AKAP13: variants seen among roughly 807,000 people sequenced by gnomAD.
AKAP13 encodes the protein A-kinase anchor protein 13.
AKAP13 carries 80 observed loss-of-function variants against 264.5 expected under a neutral mutation model. The observed-to-expected ratio is 0.30, with a 90% CI of 0.25 to 0.36. The LOEUF (loss-of-function observed/expected upper bound fraction) is 0.36, where lower values mean the gene tolerates loss of function less well. Ranked by LOEUF, AKAP13 falls within the 10% of genes least tolerant of loss-of-function variation. The probability of loss-of-function intolerance (pLI) is 1.00; values close to 1 mark genes in which losing one functional copy is unlikely to be tolerated. For missense variants in AKAP13, 3,712 were observed against 3,435.2 expected, an observed-to-expected ratio of 1.08 and a Z score of -2.01; for synonymous variants, 1,380 against 1,250.2, an observed-to-expected ratio of 1.10 and a Z score of -2.19.
chr15:85,633,018 A>G (rs921887738), intron 8 of AKAP13, among the ~76,000 whole-genome samples: 1 of 152,136 alleles, frequency 6.6e-6, no homozygotes, highest in Non-Finnish European at 1.5e-5. Context: ...GGCATGTGCC[A>G]CCACGCCCAG....
At chr15:85,739,156 C>T (rs1849307703) in intron 33 of AKAP13, among the ~76,000 whole-genome samples, 1 of 152,206 alleles carries the variant, frequency 6.6e-6, no homozygotes, top group African/African-American at 2.4e-5. Context: ...AATCTTTGTA[C>T]ATACATTGTT....
intron 8 of AKAP13, among the ~76,000 whole-genome samples, chr15:85,591,972 G>A (rs556280918): frequency 3.5e-4 from 53 of 151,204 alleles, no homozygotes; most frequent in African/African-American, 1.3e-3. Context: ...TGAGTATTAG[G>A]CTACTGGGAA....
Position 85,579,093 on chromosome 15 carries a change from G to A in AKAP13, c.1025G>A (p.Cys342Tyr). The change falls in exon 7 of 37, where the codon TGC (cysteine) becomes TAC (tyrosine). Residue 342 changes from cysteine (C) to tyrosine (Y), a missense_variant. Physicochemically the swap from Cys to Tyr is radical, Grantham distance 194. Transcript: ENST00000394518. ...SSEETESTQC[C>Y]PGSPVAQTES... ...GAAGAGACTGAGAGCACTCAGTGCT[G>A]CCCAGGGAGCCCTGTTGCACAGACT... 2 of 1,614,178 alleles carry A rather than the reference G, an allele frequency of 1.2e-6. No individual in the cohort carries two copies. Among genetic ancestry groups the A allele is most frequent in the Non-Finnish European group, 1.7e-6 (2 of 1,180,034 alleles).
At chr15:85,665,734 T>C (rs1296622996) in intron 13 of AKAP13, among the ~76,000 whole-genome samples, 1 of 151,960 alleles carries the variant, frequency 6.6e-6, no homozygotes, top group Non-Finnish European at 1.5e-5. Context: ...CGTGTCCAAG[T>C]GTTCTCATTG....
intron 2 of AKAP13, among the ~76,000 whole-genome samples, chr15:85,516,822 T>C (rs867487384): frequency 6.6e-6 from 1 of 152,336 alleles, no homozygotes; most frequent in Middle Eastern, 3.4e-3. Flanking sequence ...TGACAAGAGA[T>C]GTGAGTTGTG....
At chr15:85,622,589 G>A (rs1410447938) in intron 8 of AKAP13, among the ~76,000 whole-genome samples, 1 of 152,210 alleles carries the variant, frequency 6.6e-6, no homozygotes, top group Non-Finnish European at 1.5e-5. Flanking sequence ...CTGCCGTTAT[G>A]ATAGCACAGG....
chr15:85,721,435 C>A (rs2087274944), intron 23 of AKAP13, among the ~76,000 whole-genome samples: 5 of 152,090 alleles, frequency 3.3e-5, no homozygotes, highest in Admixed American at 1.3e-4. Flanking sequence ...TACAGAAATT[C>A]ATTGATTTAG....
chr15:85,583,450 T>A (rs189012191), intron 7 of AKAP13, among the ~76,000 whole-genome samples: 51 of 152,320 alleles, frequency 3.3e-4, no homozygotes, highest in Admixed American at 1.2e-3. Context: ...TTTATTAATG[T>A]TTTGGATTGT....
chr15:85,643,578 C>G (rs1482172784), intron 9 of AKAP13, among the ~76,000 whole-genome samples: 1 of 152,168 alleles, frequency 6.6e-6, no homozygotes, highest in Non-Finnish European at 1.5e-5. Flanking sequence ...TAGTCCAACC[C>G]TCACTTCCCT....
chr15:85,662,533 T>A, intron 12 of AKAP13: 1 of 1,540,168 alleles, frequency 6.5e-7, no homozygotes, highest in Non-Finnish European at 9.0e-7. Flanking sequence ...GGAGCTGGCT[T>A]CTGTGTGGCT....
chr15:85,743,304 A>G (rs28635899), intron 35 of AKAP13, among the ~76,000 whole-genome samples, 188 bp from the exon 36 acceptor site: 2,203 of 152,256 alleles, frequency 0.014, 54 homozygotes, highest in African/African-American at 0.05. Flanking sequence ...TATAGATACT[A>G]CTTGGGGGAG....
chr15:85,671,355 G>T (rs141495228), intron 14 of AKAP13, among the ~76,000 whole-genome samples: 2 of 148,362 alleles, frequency 1.3e-5, no homozygotes, highest in South Asian at 2.1e-4. Flanking sequence ...AGGATCATGA[G>T]CCCAGGAGGT....
chr15:85,435,764 G>A (rs2060962893), intron 1 of AKAP13, among the ~76,000 whole-genome samples: 1 of 145,014 alleles, frequency 6.9e-6, no homozygotes, highest in East Asian at 2.0e-4. Flanking sequence ...ACAAGCAAAT[G>A]CTGAGAGATT....
chr15:85,721,894 C>T (rs147594356), intron 23 of AKAP13, 97 bp from the exon 24 acceptor site: 5 of 1,535,386 alleles, frequency 3.3e-6, no homozygotes, highest in Non-Finnish European at 4.4e-6. Context: ...TATGAGGAAG[C>T]GCTCTTGACT....
intron 1 of AKAP13, among the ~76,000 whole-genome samples, chr15:85,483,603 G>A (rs896402661): frequency 1.4e-5 from 2 of 142,036 alleles, no homozygotes; most frequent in East Asian, 2.0e-4. Flanking sequence ...TCCGCAGTCC[G>A]GCCTGGGCGA....
intron 8 of AKAP13, among the ~76,000 whole-genome samples, chr15:85,586,466 A>C (rs1397111258): frequency 1.3e-5 from 2 of 152,158 alleles, no homozygotes; most frequent in Admixed American, 1.3e-4. Context: ...AGCCTCCCAA[A>C]GTGCTGGGAT....
At position 85,580,613 on chromosome 15, in the gene AKAP13, A is replaced by G; in HGVS notation, c.2545A>G (p.Thr849Ala). Residue 849 changes from threonine to alanine, a missense_variant, in exon 7 of 37, where the codon ACA (threonine) becomes GCA (alanine). Around this residue, in one of 3 missense-constraint regions of AKAP13, gnomAD observed 2,759 missense variants for 2,411.7 expected, o/e 1.14. Coordinates refer to ENST00000394518, the MANE Select transcript of AKAP13 (RefSeq NM_007200.5). ...AGAAGACAGGGCAGTAGGCCTGTCC[A>G]CATCCTCCACTGCTGCAGAGCTTCA... ...PLEDRAVGLS[T>A]SSTAAELQHG... 6 of 1,614,222 alleles carry G rather than the reference A, an allele frequency of 3.7e-6. No homozygotes were observed. Among genetic ancestry groups the G allele is most frequent in the Non-Finnish European group, 5.1e-6 (6 of 1,180,040 alleles).
chr15:85,396,405 A>T (rs1319137270), intron 1 of AKAP13, among the ~76,000 whole-genome samples: 3 of 152,210 alleles, frequency 2.0e-5, no homozygotes, highest in African/African-American at 7.2e-5. Flanking sequence ...TATGATTGTA[A>T]AACATGTTCA....
Position 85,718,480 on chromosome 15 carries a change from G to A in AKAP13, c.6001+321G>A, listed in dbSNP as rs1422603751. On this transcript the variant is annotated intron_variant, in intron 22 of 36. Coordinates refer to ENST00000394518, the MANE Select transcript of AKAP13 (RefSeq NM_007200.5). This position sits in a 1 kb window ranked among gnomAD's most constrained non-coding sequence, Gnocchi z 4.9. The stretch of plus-strand genomic sequence containing the variant: ...TAAACACAAGTCATTTCTGAGAACT[G>A]GGTATACAGTCAGTTACGACAGGTG... Among the ~76,000 whole-genome samples, 1 of 152,142 alleles carries A rather than the reference G, an allele frequency of 6.6e-6. No individual in the cohort carries two copies. The highest frequency in any genetic ancestry group is 1.5e-5 in the Non-Finnish European group (1 of 68,026).
Sources: gnomAD v4.1 joint callset for allele counts (sites outside exome capture counted in the v4.1 genomes callset) on GRCh38, gnomAD v4.1.1 for gene constraint, gnomAD v4.1.1 regional missense constraint, Gnocchi (gnomAD v3.1) non-coding constraint, MANE v1.5 for transcripts, NCBI Gene and HGNC (gene_info 2026-07-23, HGNC 2026-07-21) for gene names.